The following ADGRA3 variants were observed in gnomAD, a reference collection of about 807,000 sequenced individuals.
ADGRA3 encodes the protein adhesion G protein-coupled receptor A3.
A neutral mutation model predicts 119.8 loss-of-function variants in ADGRA3; 56 were observed. The observed-to-expected ratio is 0.47, with a 90% CI of 0.38 to 0.58. The LOEUF is 0.58. Ranked by LOEUF, ADGRA3 falls within the 20% of genes least tolerant of loss-of-function variation. ADGRA3 has a pLI of 0.00. For synonymous variants in ADGRA3, 607 were observed against 623.8 expected, an observed-to-expected ratio of 0.97 and a Z score of 0.40; for missense variants, 1,516 against 1,649.0, an observed-to-expected ratio of 0.92 and a Z score of 1.40.
In ADGRA3 at chr4:22,401,484, C is replaced by T; in HGVS notation, c.2428G>A (p.Val810Met). 1 of 1,612,012 alleles carries T rather than the reference C, an allele frequency of 6.2e-7. No individual in the cohort carries two copies. Among genetic ancestry groups the T allele is most frequent in the East Asian group, 2.2e-5 (1 of 44,842 alleles). ...NLCFHIFLTCVVFVGGITQTR... is the reference protein window; with the variant it reads ...NLCFHIFLTCMVFVGGITQTR... Reference sequence around the variant, plus strand: ...TGGGTTATTCCTCCCACAAAGACCACACAGGTTAGGAAAATATGAAAGCAC... The same window carrying T: ...TGGGTTATTCCTCCCACAAAGACCATACAGGTTAGGAAAATATGAAAGCAC... Residue 810 changes from valine (V) to methionine (M), a missense_variant, in exon 16 of 19, where the codon GTG (valine) becomes ATG (methionine). Physicochemically the swap from Val to Met is conservative, Grantham distance 21. This residue lies in a region of ADGRA3 where 1,088 missense variants were observed against 1,107.1 expected (regional missense o/e 0.98). Transcript: ENST00000334304.
At chr4:22,460,849 G>T (rs183732283) in intron 3 of ADGRA3, among the ~76,000 whole-genome samples, 8 of 152,194 alleles carry the variant, frequency 5.3e-5, no homozygotes, top group African/African-American at 1.9e-4. Context: ...GAAGAAGTCA[G>T]GGCATGGTAA....
intron 1 of ADGRA3, among the ~76,000 whole-genome samples, chr4:22,492,818 C>T (rs926841094): frequency 6.6e-5 from 10 of 152,210 alleles, no homozygotes; most frequent in Non-Finnish European, 1.5e-4. Context: ...AGCATATCCC[C>T]ATCATCTAGA....
chr4:22,505,626 G>A (rs898180964), intron 1 of ADGRA3, among the ~76,000 whole-genome samples: 16 of 145,064 alleles, frequency 1.1e-4, no homozygotes, highest in East Asian at 4.0e-4. Flanking sequence ...CAAGCTGGGC[G>A]ACAGAGCGAG....
chr4:22,512,816 A>T (rs1376066222), intron 1 of ADGRA3, among the ~76,000 whole-genome samples: 1 of 152,212 alleles, frequency 6.6e-6, no homozygotes, highest in Non-Finnish European at 1.5e-5. Context: ...TGTTGTTTCA[A>T]GCCACCAAGC....
chr4:22,414,845 C>A (rs946196862), intron 12 of ADGRA3, among the ~76,000 whole-genome samples: 2 of 152,148 alleles, frequency 1.3e-5, no homozygotes, highest in Non-Finnish European at 2.9e-5. Flanking sequence ...AGCATCTCTA[C>A]CTGAAATGCT....
intron 11 of ADGRA3, among the ~76,000 whole-genome samples, chr4:22,423,423 A>G (rs1715796120): frequency 6.6e-6 from 1 of 152,212 alleles, no homozygotes; most frequent in African/African-American, 2.4e-5. Context: ...AGAATATTCT[A>G]CACTATGTCA....
At chr4:22,491,602 A>G (rs1718626417) in intron 1 of ADGRA3, among the ~76,000 whole-genome samples, 1 of 152,078 alleles carries the variant, frequency 6.6e-6, no homozygotes, top group South Asian at 2.1e-4. Flanking sequence ...ACATCCACCA[A>G]GTGATATCTG....
intron 12 of ADGRA3, chr4:22,419,923 T>C (rs116444694): frequency 4.1e-4 from 62 of 152,758 alleles, no homozygotes; most frequent in African/African-American, 1.4e-3. Context: ...AATATATTAT[T>C]ATCAGACATT....
intron 1 of ADGRA3, among the ~76,000 whole-genome samples, chr4:22,513,845 C>CAAAAAAAAAAAAAAAAAAAAAA (rs59015584): frequency 9.5e-5 from 3 of 31,480 alleles, no homozygotes; most frequent in African/African-American, 3.0e-4. Flanking sequence ...AGCTTTCAGG[C>CAAAAAAAAAAAAAAAAAAAAAA]AAAAAAAAAA....
intron 12 of ADGRA3, among the ~76,000 whole-genome samples, chr4:22,418,646 A>T (rs1270967684): frequency 2.0e-5 from 3 of 152,138 alleles, no homozygotes; most frequent in Non-Finnish European, 4.4e-5. Flanking sequence ...GTCTCTGGAG[A>T]GACATGAGAC....
intron 2 of ADGRA3, among the ~76,000 whole-genome samples, chr4:22,468,751 A>T (rs1210671200): frequency 6.6e-6 from 1 of 151,246 alleles, no homozygotes; most frequent in Non-Finnish European, 1.5e-5. Context: ...CTTGGGCAAC[A>T]GAGTAAGACT....
intron 12 of ADGRA3, among the ~76,000 whole-genome samples, chr4:22,418,268 C>T (rs562926001): frequency 1.0e-3 from 155 of 152,280 alleles, no homozygotes; most frequent in Admixed American, 1.2e-3. Flanking sequence ...TAGGCCTGCC[C>T]TCAGGCAACC....
chr4:22,413,909 G>C, intron 12 of ADGRA3, 95 bp from the exon 13 acceptor site: 2 of 784,662 alleles, frequency 2.5e-6, no homozygotes, highest in Non-Finnish European at 3.8e-6. Context: ...GGTATAATTA[G>C]GTTGACTTCA....
At chr4:22,458,357 C>G (rs1295122717) in intron 3 of ADGRA3, among the ~76,000 whole-genome samples, 1 of 152,176 alleles carries the variant, frequency 6.6e-6, no homozygotes, top group African/African-American at 2.4e-5. Context: ...TACGGTCATG[C>G]TCCATATCCC....
intron 1 of ADGRA3, chr4:22,478,241 A>T (rs1718123121): frequency 6.6e-6 from 1 of 152,210 alleles, no homozygotes; most frequent in Non-Finnish European, 1.5e-5. Context: ...ATGCTGGAAT[A>T]CAAAAACAGG....
intron 6 of ADGRA3, among the ~76,000 whole-genome samples, chr4:22,444,278 T>C (rs1716744097): frequency 2.0e-5 from 3 of 152,164 alleles, no homozygotes; most frequent in Admixed American, 2.0e-4. Context: ...TTACTAGATC[T>C]AACTGTATCA....
At chr4:22,391,709 G>C (rs1428333130) in intron 17 of ADGRA3, among the ~76,000 whole-genome samples, 1 of 152,092 alleles carries the variant, frequency 6.6e-6, no homozygotes, top group East Asian at 1.9e-4. Flanking sequence ...GACACACAAA[G>C]GCCTCAAAGC....
At chr4:22,414,461 T>C (rs1292761528) in intron 12 of ADGRA3, 1 of 454,886 alleles carries the variant, frequency 2.2e-6, no homozygotes, top group Non-Finnish European at 3.9e-6. Flanking sequence ...AACAAATTAT[T>C]CAGCATTCAG....
At chr4:22,477,397 C>T (rs920223251) in intron 1 of ADGRA3, among the ~76,000 whole-genome samples, 3 of 152,176 alleles carry the variant, frequency 2.0e-5, no homozygotes, top group African/African-American at 4.8e-5. Flanking sequence ...TATCGAGATC[C>T]TTTCCAGCTA....
Sources: allele counts gnomAD v4.1 joint callset (sites outside exome capture counted in the v4.1 genomes callset), GRCh38; gene constraint gnomAD v4.1.1; regional missense constraint gnomAD v4.1.1; transcripts MANE v1.5; gene names NCBI Gene and HGNC (gene_info 2026-07-23, HGNC 2026-07-21).